MTSS1: variants seen among roughly 807,000 people sequenced by gnomAD.
The protein encoded by MTSS1 is MTSS I-BAR domain containing 1.
Under a neutral mutation model 79.0 loss-of-function variants are expected in MTSS1, and 18 were observed. The observed-to-expected ratio is 0.23, with a 90% CI of 0.16 to 0.34. The LOEUF is 0.34. Ranked by LOEUF, MTSS1 falls within the 10% of genes least tolerant of loss-of-function variation. The pLI, the probability that MTSS1 is intolerant of heterozygous loss-of-function variation, is 1.00. For synonymous variants in MTSS1, 341 were observed against 368.6 expected (o/e 0.93, Z 0.86); for missense variants, 815 against 986.2 (o/e 0.83, Z 2.33).
chr8:124,702,735 C>T (rs993614829), intron 2 of MTSS1, among the ~76,000 whole-genome samples: 12 of 152,130 alleles, frequency 7.9e-5, no homozygotes, highest in Admixed American at 3.9e-4. Flanking sequence ...CTGCCTGCCC[C>T]GCTCTCTGAA....
intron 3 of MTSS1, among the ~76,000 whole-genome samples, chr8:124,653,419 T>C (rs73343963): frequency 0.021 from 3,191 of 152,270 alleles, 103 homozygotes; most frequent in African/African-American, 0.074. Flanking sequence ...GAAAAGATCA[T>C]ATTTGCTAAC....
chr8:124,611,361 C>A (rs1255051573), intron 3 of MTSS1, among the ~76,000 whole-genome samples: 6 of 152,146 alleles, frequency 3.9e-5, no homozygotes, highest in African/African-American at 1.4e-4. Flanking sequence ...AAATACCTTG[C>A]CCATGTGTTG....
intron 10 of MTSS1, among the ~76,000 whole-genome samples, chr8:124,561,660 AC>A: frequency 6.6e-6 from 1 of 152,096 alleles, no homozygotes. Context: ...TCAATTAAAC[AC>A]ACACACACAA....
chr8:124,609,244 C>T (rs1309680145), intron 3 of MTSS1, among the ~76,000 whole-genome samples: 2 of 152,140 alleles, frequency 1.3e-5, no homozygotes, highest in African/African-American at 4.8e-5. Context: ...GCTGATGAAG[C>T]TTCTCCACCC....
At chr8:124,601,168 C>T (rs1188705149) in intron 3 of MTSS1, among the ~76,000 whole-genome samples, 2 of 147,500 alleles carry the variant, frequency 1.4e-5, no homozygotes, top group Non-Finnish European at 3.0e-5. Context: ...TCAAGCAATT[C>T]TCCTGCCTCA....
rs199609130 is a variant in MTSS1 at position 124,553,287 on chromosome 8, G to C, written c.1973C>G (p.Thr658Ser). ...PSVGEGPQGV[T>S]SMPSSMWSGQ... ...GCTCCACATTGAGGAGGGCATGCTG[G>C]TGACACCTTGGGGGCCCTCACCCAC... Residue 658 changes from threonine to serine, a missense_variant, in exon 14 of 14, where the codon ACC (threonine) becomes AGC (serine). Coordinates refer to ENST00000518547, the MANE Select transcript of MTSS1 (RefSeq NM_014751.6). This position sits in a 1 kb window ranked among gnomAD's most constrained non-coding sequence, Gnocchi z 6.0. 2 of 1,614,192 alleles carry C rather than the reference G, an allele frequency of 1.2e-6. No homozygotes were observed. The highest frequency in any genetic ancestry group is 2.2e-5 in the East Asian group (1 of 44,878).
At chr8:124,688,349 G>T (rs1179640278) in intron 3 of MTSS1, among the ~76,000 whole-genome samples, 31 of 139,562 alleles carry the variant, frequency 2.2e-4, no homozygotes, top group East Asian at 8.8e-4. Flanking sequence ...TATGTGTGTT[G>T]TGTGTGTGTT....
intron 3 of MTSS1, among the ~76,000 whole-genome samples, chr8:124,633,509 G>A (rs140641597): frequency 1.6e-4 from 25 of 152,152 alleles, no homozygotes; most frequent in African/African-American, 6.0e-4. Context: ...GTGGGTTTAC[G>A]CTTGTAATCC....
intron 3 of MTSS1, among the ~76,000 whole-genome samples, chr8:124,674,152 A>T (rs1000791854): frequency 2.0e-5 from 3 of 152,186 alleles, no homozygotes; most frequent in African/African-American, 4.8e-5. Context: ...ATTTTTTGAG[A>T]TGGAGCCTCA....
chr8:124,712,441 C>A (rs769683942), intron 1 of MTSS1, among the ~76,000 whole-genome samples: 4 of 152,172 alleles, frequency 2.6e-5, no homozygotes, highest in African/African-American at 4.8e-5. Flanking sequence ...GGCCTCCCTG[C>A]TTCTTCAAGC....
chr8:124,647,196 C>A (rs980235424), intron 3 of MTSS1, among the ~76,000 whole-genome samples: 1 of 152,180 alleles, frequency 6.6e-6, no homozygotes, highest in African/African-American at 2.4e-5. Context: ...AAAACTACTT[C>A]AAAGTACATT....
Position 124,672,896 on chromosome 8 carries a change from C to T in MTSS1, c.208+26630G>A, listed in dbSNP as rs142061409. The stretch of plus-strand genomic sequence containing the variant: ...ACATGCATACACACACACATGCACA[C>T]ACACACATGCACACATATATATGGA... On this transcript the variant is annotated intron_variant, in intron 3 of 13. Transcript: ENST00000518547. Among the ~76,000 whole-genome samples, 1,427 of 152,000 alleles carry T rather than the reference C, an allele frequency of 9.4e-3. 9 individuals carry two copies. The highest frequency in any genetic ancestry group is 0.02 in the Middle Eastern group (6 of 294).
Position 124,728,016 on chromosome 8 carries a change from G to GCT in MTSS1, c.-62_-61insAG. The GCT allele has an allele frequency of 6.7e-7, 1 of 1,489,392 alleles. No homozygotes were observed. Among genetic ancestry groups the GCT allele is most frequent in the Admixed American group, 1.8e-5 (1 of 57,004 alleles). 92.3% of individuals were successfully genotyped at this position (1,489,392 alleles called of 1,614,324 possible). A position where few individuals can be genotyped will look rare whatever the true frequency, so the allele number is the denominator to read the frequency against. On this transcript the variant is annotated 5_prime_UTR_variant, in exon 1 of 14. Transcript: ENST00000518547. The surrounding 1 kb of genome is among the most constrained non-coding windows in gnomAD (Gnocchi z 6.1). ...GGGCCGCTGGACTGCGCGCGGGGCC[G>GCT]GGGCTCGCTCACCCCAGAAGGAATT... is the stretch of plus-strand genomic sequence containing the variant.
chr8:124,553,514 G>T lies in MTSS1; in HGVS notation c.1746C>A (p.Val582=). The T allele has an allele frequency of 1.9e-6, 3 of 1,614,106 alleles. No individual in the cohort carries two copies. The highest frequency in any genetic ancestry group is 1.1e-5 in the South Asian group (1 of 91,072). The change falls in exon 14 of 14, where the codon GTC becomes GTA. Residue 582 remains valine (V), a synonymous_variant. Transcript: ENST00000518547. This position sits in a 1 kb window ranked among gnomAD's most constrained non-coding sequence, Gnocchi z 6.0. ...GLPTTLGPAM[V]TPGVATIRRT... The stretch of plus-strand genomic sequence containing the variant: ...GTCGGATAGTTGCAACCCCTGGAGT[G>T]ACCATAGCAGGTCCCAGGGTGGTGG...
chr8:124,606,554 C>T (rs934460673), intron 3 of MTSS1, among the ~76,000 whole-genome samples: 1 of 152,288 alleles, frequency 6.6e-6, no homozygotes, highest in Admixed American at 6.5e-5. Flanking sequence ...ACATCCAGGG[C>T]TGAGTCGATA....
intron 3 of MTSS1, among the ~76,000 whole-genome samples, chr8:124,645,573 G>C (rs550011942): frequency 6.6e-6 from 1 of 152,026 alleles, no homozygotes; most frequent in African/African-American, 2.4e-5. Flanking sequence ...ATATGTTTCC[G>C]CTGGGGTATC....
intron 3 of MTSS1, among the ~76,000 whole-genome samples, chr8:124,647,569 A>G (rs928776195): frequency 6.6e-6 from 1 of 151,828 alleles, no homozygotes; most frequent in African/African-American, 2.4e-5. Context: ...TTTAGCTAAC[A>G]ACAGTGTTTA....
intron 1 of MTSS1, among the ~76,000 whole-genome samples, chr8:124,704,845 A>G (rs7816246): frequency 0.029 from 4,415 of 152,238 alleles, 95 homozygotes; most frequent in Non-Finnish European, 0.042. Context: ...GTTAAGATCA[A>G]TAATCCTGCT....
At position 124,690,181 on chromosome 8, in the gene MTSS1, G is replaced by T. The variant is rs183570785; in HGVS notation, c.208+9345C>A. 2.6e-5 allele frequency among the ~76,000 whole-genome samples: 4 copies of T among 152,226 alleles called. No individual in the cohort carries two copies. In the South Asian group the frequency reaches 6.2e-4, roughly 24 times the overall value. On this transcript the variant is annotated intron_variant, in intron 3 of 13. Coordinates refer to ENST00000518547, the MANE Select transcript of MTSS1 (RefSeq NM_014751.6). ...TGCTCCCGCCGCCGCCACCACCATCGCATAATTCACCGGCATTGATGAAGG... is the reference window on the plus strand; with the variant it reads ...TGCTCCCGCCGCCGCCACCACCATCTCATAATTCACCGGCATTGATGAAGG...
Sources: gnomAD v4.1 joint callset for allele counts (sites outside exome capture counted in the v4.1 genomes callset) on GRCh38, gnomAD v4.1.1 for gene constraint, Gnocchi (gnomAD v3.1) non-coding constraint, MANE v1.5 for transcripts, NCBI Gene and HGNC (gene_info 2026-07-23, HGNC 2026-07-21) for gene names.